MYO9A: variants seen among roughly 807,000 people sequenced by gnomAD.
MYO9A encodes the protein unconventional myosin-IXa.
MYO9A carries 103 observed loss-of-function variants against 293.3 expected under a neutral mutation model. The observed-to-expected ratio is 0.35, with a 90% CI of 0.30 to 0.41. The LOEUF is 0.41. Among genes scored for constraint, MYO9A ranks in the 10% least tolerant of loss-of-function variants. MYO9A has a pLI of 1.00. For missense variants in MYO9A, 2,685 were observed against 3,033.0 expected (o/e 0.89, Z 2.69); for synonymous variants, 1,001 against 1,035.7 (o/e 0.97, Z 0.64).
rs147428504 is a variant in MYO9A, at chr15:72,028,972, T to C, written c.936-1179A>G. Reference sequence around the variant, plus strand: ...AAAGGAGATAATCTAGCAGCTATCATACTGAGTTGATAGGGCTTATTGTAG... The same window carrying C: ...AAAGGAGATAATCTAGCAGCTATCACACTGAGTTGATAGGGCTTATTGTAG... On this transcript the variant is annotated intron_variant, in intron 3 of 41. Coordinates refer to ENST00000356056, the MANE Select transcript of MYO9A (RefSeq NM_006901.4). Among the ~76,000 whole-genome samples, 34 of 152,318 alleles carry C rather than the reference T, an allele frequency of 2.2e-4. No homozygotes were observed. In the East Asian group the frequency reaches 3.7e-3, roughly 16 times the overall value.
intron 19 of MYO9A, among the ~76,000 whole-genome samples, chr15:71,911,187 A>G (rs1332439294): frequency 2.6e-5 from 4 of 152,194 alleles, no homozygotes; most frequent in Non-Finnish European, 5.9e-5. Context: ...TGTGATTATA[A>G]AAGTAATATG....
In MYO9A at chr15:72,026,101, G is replaced by A. The variant is rs556873454; in HGVS notation, c.998+1630C>T. Among the ~76,000 whole-genome samples the A allele has an allele frequency of 3.3e-5, 5 of 151,304 alleles. No homozygotes were observed. The East Asian group carries it at 7.8e-4, about 24-fold the overall frequency. On this transcript the variant is annotated intron_variant, in intron 4 of 41. Coordinates refer to ENST00000356056, the MANE Select transcript of MYO9A (RefSeq NM_006901.4). ...ATCCTGGATAACATGGTGAAACCCC[G>A]CCCCTACTAAAAATACAAAAAATTA...
At chr15:71,846,743 G>C (rs2055404607) in intron 39 of MYO9A, among the ~76,000 whole-genome samples, 1 of 81,910 alleles carries the variant, frequency 1.2e-5, no homozygotes, top group African/African-American at 5.0e-5. Flanking sequence ...AAATATTGGT[G>C]TTCTCAGCCT....
intron 13 of MYO9A, among the ~76,000 whole-genome samples, chr15:71,961,688 C>T (rs1475957845): frequency 6.6e-6 from 1 of 152,040 alleles, no homozygotes; most frequent in African/African-American, 2.4e-5. Flanking sequence ...GTCTGGAGTG[C>T]TAGGGAGATT....
chr15:71,966,312 T>TGTGTGTGTGTGTGTG (rs1596297611), intron 13 of MYO9A, among the ~76,000 whole-genome samples: 3 of 65,928 alleles, frequency 4.6e-5, no homozygotes, highest in African/African-American at 1.8e-4. Context: ...GTGTGTATGA[T>TGTGTGTGTGTGTGTG]TCTATTTATC....
At chr15:71,884,558 C>T (rs1249421042) in intron 27 of MYO9A, among the ~76,000 whole-genome samples, 1 of 152,092 alleles carries the variant, frequency 6.6e-6, no homozygotes, top group African/African-American at 2.4e-5. Context: ...CAAAGTTTCA[C>T]AGTGAGTGAA....
In MYO9A at chr15:71,852,258, C is replaced by T. The variant is rs146343262; in HGVS notation, c.6349G>A (p.Ala2117Thr). ...KELRQGLDTD[A>T]ESVNLDDYNI... ...TAGTCATCTAGATTTACACTCTCAG[C>T]ATCTATTTAGAGACAAGAGTTAGAT... The change falls in exon 36 of 42, where the codon GCT becomes ACT. Residue 2117 changes from alanine to threonine, a missense_variant and splice_region_variant. Ala to Thr is a moderately conservative substitution (Grantham distance 58, BLOSUM62 0). Coordinates refer to ENST00000356056, the MANE Select transcript of MYO9A (RefSeq NM_006901.4). 1.1e-5 allele frequency: 17 copies of T among 1,605,814 alleles called. No individual in the cohort carries two copies. In the African/African-American group the frequency reaches 2.0e-4, roughly 19 times the overall value.
intron 6 of MYO9A, among the ~76,000 whole-genome samples, chr15:72,014,507 G>A (rs911843219): frequency 6.6e-6 from 1 of 152,080 alleles, no homozygotes; most frequent in African/African-American, 2.4e-5. Context: ...CCAACATGGT[G>A]AAAACCTATC....
intron 12 of MYO9A, among the ~76,000 whole-genome samples, chr15:71,970,176 T>G (rs1596303023): frequency 6.6e-6 from 1 of 152,342 alleles, no homozygotes; most frequent in African/African-American, 2.4e-5. Flanking sequence ...AGTGGTCCAC[T>G]GCTGCTGATA....
At chr15:71,918,535 G>T (rs1219482226) in intron 18 of MYO9A, among the ~76,000 whole-genome samples, 1 of 151,908 alleles carries the variant, frequency 6.6e-6, no homozygotes, top group Non-Finnish European at 1.5e-5. Context: ...TGTAAAAAGG[G>T]CATTTGTGCT....
At chr15:72,045,240 T>C (rs1368869984) in intron 2 of MYO9A, 1 of 150,378 alleles carries the variant, frequency 6.6e-6, no homozygotes, top group Non-Finnish European at 1.5e-5. Flanking sequence ...TAGTTTAATA[T>C]CTGAAATGTC....
chr15:71,939,077 T>G, intron 15 of MYO9A, 150 bp from the exon 16 acceptor site: 1 of 568,806 alleles, frequency 1.8e-6, no homozygotes, highest in Non-Finnish European at 3.0e-6. Flanking sequence ...CCAAGTCTCA[T>G]AACTGTCATA....
At chr15:71,977,490 G>A (rs2076172779) in intron 12 of MYO9A, among the ~76,000 whole-genome samples, 1 of 152,116 alleles carries the variant, frequency 6.6e-6, no homozygotes, top group African/African-American at 2.4e-5. Flanking sequence ...TCCCGCCTTG[G>A]CATCCCAAAG....
rs142444618 is a variant in MYO9A at position 72,084,277 on chromosome 15, T to A, written c.-72+33403A>T. On this transcript the variant is annotated intron_variant, in intron 1 of 41. Coordinates refer to ENST00000356056, the MANE Select transcript of MYO9A (RefSeq NM_006901.4). The stretch of plus-strand genomic sequence containing the variant: ...CTTTGTCCTTCTTCATCTTTGTTGG[T>A]TTAAATTGTTTTGTTTGAAATTTGG... Among the ~76,000 whole-genome samples, 166 of 152,340 alleles carry A rather than the reference T, an allele frequency of 1.1e-3. 2 individuals are homozygous for A. The East Asian group carries it at 0.03, about 28-fold the overall frequency.
chr15:72,041,117 T>TA, intron 2 of MYO9A: 1 of 590,634 alleles, frequency 1.7e-6, no homozygotes, highest in Admixed American at 2.0e-5. Context: ...TGGTGGTACA[T>TA]GCCTATAATC....
At position 71,880,433 on chromosome 15, in the gene MYO9A, T is replaced by C; in HGVS notation, c.5524A>G (p.Asn1842Asp). The change falls in exon 29 of 42, where the codon AAC (asparagine) becomes GAC (aspartate). Residue 1842 changes from asparagine (N) to aspartate (D), a missense_variant. Asn to Asp is a conservative substitution (Grantham distance 23). Coordinates refer to ENST00000356056, the MANE Select transcript of MYO9A (RefSeq NM_006901.4). ...AKRKRSVKIS[N>D]VALDSMHWQN... ...CAATGCATAGAATCCAAAGCCACGT[T>C]GCTAATCTTCACACTTCGCTTGCGC... is the stretch of plus-strand genomic sequence containing the variant. 1.2e-6 allele frequency: 2 copies of C among 1,614,232 alleles called. No individual in the cohort carries two copies. Among genetic ancestry groups the C allele is most frequent in the Non-Finnish European group, 8.5e-7 (1 of 1,180,024 alleles).
At chr15:71,927,709 G>A (rs1411405370) in intron 18 of MYO9A, among the ~76,000 whole-genome samples, 3 of 151,644 alleles carry the variant, frequency 2.0e-5, no homozygotes, top group East Asian at 1.9e-4. Flanking sequence ...ATGTATAAGC[G>A]GACCTGCACA....
chr15:71,951,921 A>C (rs139152952), intron 14 of MYO9A, 25 bp from the exon 15 acceptor site: 43 of 1,228,826 alleles, frequency 3.5e-5, no homozygotes, highest in Non-Finnish European at 4.4e-5. Context: ...AAAAACAAAC[A>C]AAAAAAAAAG....
chr15:72,046,169 C>T lies in MYO9A; in HGVS notation c.395G>A (p.Arg132His), dbSNP rs570848370. The T allele has an allele frequency of 1.2e-6, 2 of 1,614,008 alleles. No individual in the cohort carries two copies. The highest frequency in any genetic ancestry group is 1.3e-5 in the African/African-American group (1 of 74,914). The change falls in exon 2 of 42, where the codon CGC becomes CAC. Residue 132 changes from arginine (R) to histidine (H), a missense_variant. Transcript: ENST00000356056. ...QSWLRVTEER[R>H]RMMERGFLPQ... Reference sequence around the variant, plus strand: ...AAGAAAACCCCGTTCCATCATCCTGCGACGTTCTTCTGTTACCCGTAGCCA... The same window carrying T: ...AAGAAAACCCCGTTCCATCATCCTGTGACGTTCTTCTGTTACCCGTAGCCA...
Sources: gnomAD v4.1 joint callset for allele counts (sites outside exome capture counted in the v4.1 genomes callset) on GRCh38, gnomAD v4.1.1 for gene constraint, MANE v1.5 for transcripts, NCBI Gene and HGNC (gene_info 2026-07-23, HGNC 2026-07-21) for gene names.